NAA16: variants seen among roughly 807,000 people sequenced by gnomAD.
NAA16 encodes N-alpha-acetyltransferase 16, NatA auxiliary subunit.
In NAA16, 97 loss-of-function variants were observed where a neutral mutation model predicts 110.3. That is an observed-to-expected ratio of 0.88 (90% CI 0.75 to 1.04). The LOEUF is 1.04. Ranked by LOEUF, NAA16 falls within the 50% of genes least tolerant of loss-of-function variation. NAA16 has a pLI of 0.00. For missense variants in NAA16, 1,017 were observed against 1,005.1 expected (o/e 1.01, Z -0.16); for synonymous variants, 372 against 330.6 (o/e 1.13, Z -1.36).
chr13:41,355,405 G>C (rs1469628170), intron 10 of NAA16, among the ~76,000 whole-genome samples, 189 bp downstream of exon 10: 1 of 152,104 alleles, frequency 6.6e-6, no homozygotes, highest in Non-Finnish European at 1.5e-5. Flanking sequence ...TATGAGATGG[G>C]AGTTAACCTT....
chr13:41,356,925 T>C (rs908423470), intron 10 of NAA16, among the ~76,000 whole-genome samples: 2 of 152,206 alleles, frequency 1.3e-5, no homozygotes, highest in African/African-American at 4.8e-5. Flanking sequence ...TCCTGTTGTG[T>C]CATGTCAGGA....
Position 41,372,255 on chromosome 13 carries a change from T to C in NAA16, c.2000T>C (p.Leu667Pro). 1 of 1,604,964 alleles carries C rather than the reference T, an allele frequency of 6.2e-7. No individual in the cohort carries two copies. Among genetic ancestry groups the C allele is most frequent in the South Asian group, 1.1e-5 (1 of 89,022 alleles). Residue 667 changes from leucine to proline, a missense_variant, in exon 16 of 20, where the codon CTT (leucine) becomes CCT (proline). Physicochemically the swap from Leu to Pro is moderately conservative, Grantham distance 98. Coordinates refer to ENST00000379406, the MANE Select transcript of NAA16 (RefSeq NM_024561.5). ...AVKFLIPLKN[L>P]VADNIDTHLL... ...AAGTTCCTTATACCTCTTAAGAACCTTGTTGCTGATAACATTGACACTCAT... is the reference window on the plus strand; with the variant it reads ...AAGTTCCTTATACCTCTTAAGAACCCTGTTGCTGATAACATTGACACTCAT...
In NAA16 at chr13:41,376,795, C is replaced by G. The variant is rs2043433765; in HGVS notation, c.*1193C>G. The G allele has an allele frequency of 6.6e-6, 1 of 152,104 alleles. No individual in the cohort carries two copies. Among genetic ancestry groups the G allele is most frequent in the Non-Finnish European group, 1.5e-5 (1 of 68,002 alleles). The allele number at this position is 152,104 out of a possible 1,614,324, so 9.4% of individuals were successfully genotyped here. A position where few individuals can be genotyped will look rare whatever the true frequency, so the allele number is the denominator to read the frequency against. ...GCGGGTGGATAGCTTTTTGTTCTAT[C>G]TTGTACAGAAAACAGTAATGGAATC... On this transcript the variant is annotated 3_prime_UTR_variant, in exon 20 of 20. Transcript: ENST00000379406.
At chr13:41,332,144 A>G (rs1182752412) in intron 8 of NAA16, among the ~76,000 whole-genome samples, 3 of 151,626 alleles carry the variant, frequency 2.0e-5, no homozygotes, top group Admixed American at 1.3e-4. Context: ...TGTAGCCTCA[A>G]ACCCCTGGGC....
At chr13:41,366,802 C>T (rs1199462226) in intron 13 of NAA16, among the ~76,000 whole-genome samples, 1 of 42,900 alleles carries the variant, frequency 2.3e-5, no homozygotes, top group South Asian at 1.4e-3. Context: ...CCTTTAACAA[C>T]CTTAAGAAAT....
chr13:41,314,205 AG>A (rs766942348), intron 1 of NAA16, among the ~76,000 whole-genome samples: 5 of 152,202 alleles, frequency 3.3e-5, no homozygotes, highest in Non-Finnish European at 7.3e-5. Flanking sequence ...AAAAAATAAC[AG>A]TGTCTGGACG....
At chr13:41,372,397 T>G (rs2043339947) in intron 16 of NAA16, 86 bp downstream of exon 16, 1 of 1,396,534 alleles carries the variant, frequency 7.2e-7, no homozygotes, top group South Asian at 1.8e-5. Context: ...CTATTTTTGT[T>G]TCTTAGATTT....
In NAA16 at chr13:41,331,291, CT is replaced by C. The variant is rs1593440652; in HGVS notation, c.831del (p.Gln278LysfsTer21). ...ALQISTLEER[L>X]QIYEEISKQH... ...GATAATAGGCACTTTAGAAGAGAGG[CT>C]TCAAATTTATGAAGAAATTAGTAAG... On this transcript the variant is annotated frameshift_variant, in exon 8 of 20. Coordinates refer to ENST00000379406, the MANE Select transcript of NAA16 (RefSeq NM_024561.5). LOFTEE classifies it high-confidence loss of function. The C allele has an allele frequency of 1.9e-6, 3 of 1,608,728 alleles. No individual in the cohort carries two copies. Among genetic ancestry groups the C allele is most frequent in the Non-Finnish European group, 2.5e-6 (3 of 1,176,586 alleles).
rs146092770 is a variant in NAA16, at chr13:41,339,441, A to G, written c.1014+2685A>G. 8.6e-5 allele frequency among the ~76,000 whole-genome samples: 13 copies of G among 151,776 alleles called. No individual in the cohort carries two copies. In the East Asian group the frequency reaches 2.5e-3, roughly 30 times the overall value. Reference sequence around the variant, plus strand: ...GGCGTGAGCCACCGCGCCTGGCCGAAATGTATTTCTTAAATGTCTCCAGCA... The same window carrying G: ...GGCGTGAGCCACCGCGCCTGGCCGAGATGTATTTCTTAAATGTCTCCAGCA... On this transcript the variant is annotated intron_variant, in intron 9 of 19. Coordinates refer to ENST00000379406, the MANE Select transcript of NAA16 (RefSeq NM_024561.5).
chr13:41,348,109 T>TA (rs1185979159), intron 9 of NAA16, among the ~76,000 whole-genome samples: 14 of 151,724 alleles, frequency 9.2e-5, no homozygotes, highest in Admixed American at 4.6e-4. Context: ...GGTTTTTTTT[T>TA]AAAAAAAATC....
intron 1 of NAA16, among the ~76,000 whole-genome samples, chr13:41,315,003 TAAG>T (rs1566237111): frequency 6.6e-6 from 1 of 151,764 alleles, no homozygotes; most frequent in East Asian, 1.9e-4. Context: ...AAAAAATAAA[TAAG>T]AAAGATAGGT....
chr13:41,359,920 T>TA (rs1183562538), intron 12 of NAA16, among the ~76,000 whole-genome samples: 1 of 152,088 alleles, frequency 6.6e-6, no homozygotes, highest in Admixed American at 6.5e-5. Flanking sequence ...ATGCTTGAGG[T>TA]AGGAAGCATT....
rs2043415803 is a variant in NAA16 at position 41,375,678 on chromosome 13, A to G, written c.*76A>G. Reference sequence around the variant, plus strand: ...GGTTTCTTTTCCAGGGTGCATTTTAATATACGTATGAAATGAAATATTTGG... The same window carrying G: ...GGTTTCTTTTCCAGGGTGCATTTTAGTATACGTATGAAATGAAATATTTGG... On this transcript the variant is annotated 3_prime_UTR_variant, in exon 20 of 20. Transcript: ENST00000379406. 4 of 1,073,202 alleles carry G rather than the reference A, an allele frequency of 3.7e-6. No individual in the cohort carries two copies. Among genetic ancestry groups the G allele is most frequent in the Non-Finnish European group, 4.0e-6 (3 of 744,590 alleles). 66.5% of individuals were successfully genotyped at this position (1,073,202 alleles called of 1,614,324 possible).
intron 10 of NAA16, among the ~76,000 whole-genome samples, chr13:41,356,802 T>G (rs1232907343): frequency 6.6e-6 from 1 of 152,242 alleles, no homozygotes; most frequent in Non-Finnish European, 1.5e-5. Context: ...TGATTGCCTT[T>G]CTCATGGTAT....
chr13:41,367,290 C>T, intron 13 of NAA16, 149 bp from the exon 14 acceptor site: 1 of 543,218 alleles, frequency 1.8e-6, no homozygotes, highest in Non-Finnish European at 3.2e-6. Context: ...TAATTCATAT[C>T]CTTTATAGTG....
intron 5 of NAA16, among the ~76,000 whole-genome samples, chr13:41,324,090 T>C (rs981657392): frequency 1.3e-5 from 2 of 152,200 alleles, no homozygotes; most frequent in African/African-American, 4.8e-5. Flanking sequence ...ATCTTCTATT[T>C]ATGGGTTTTT....
chr13:41,363,982 G>C (rs941058774), intron 13 of NAA16, among the ~76,000 whole-genome samples: 1 of 151,904 alleles, frequency 6.6e-6, no homozygotes, highest in Admixed American at 6.6e-5. Flanking sequence ...GTATAAATAG[G>C]GTGACTAGGT....
At chr13:41,369,945 T>G (rs1041357976) in intron 15 of NAA16, among the ~76,000 whole-genome samples, 1 of 152,206 alleles carries the variant, frequency 6.6e-6, no homozygotes, top group Non-Finnish European at 1.5e-5. Context: ...CAATAAATAT[T>G]TGGTAATTTG....
chr13:41,350,714 G>T (rs2042814713), intron 9 of NAA16, among the ~76,000 whole-genome samples: 1 of 150,318 alleles, frequency 6.7e-6, no homozygotes, highest in African/African-American at 2.5e-5. Context: ...TCCACCTCCT[G>T]GGCTCAAGCG....
Sources: allele counts gnomAD v4.1 joint callset (sites outside exome capture counted in the v4.1 genomes callset), GRCh38; gene constraint gnomAD v4.1.1; transcripts MANE v1.5; gene names NCBI Gene and HGNC (gene_info 2026-07-23, HGNC 2026-07-21).